Variants in DGKG observed in about 807,000 individuals in gnomAD.
DGKG encodes diacylglycerol kinase gamma.
A neutral mutation model predicts 105.3 loss-of-function variants in DGKG; 78 were observed. The ratio of observed to expected loss-of-function variants is 0.74; its 90% CI spans 0.62 to 0.89. The LOEUF (loss-of-function observed/expected upper bound fraction) is 0.89. DGKG is among the 40% of genes least tolerant of loss of function. The pLI is 0.00. For synonymous variants in DGKG, 346 were observed against 367.1 expected (o/e 0.94, Z 0.66); for missense variants, 958 against 1,020.1 (o/e 0.94, Z 0.83).
At chr3:186,342,810 G>C (rs1726147519) in intron 1 of DGKG, among the ~76,000 whole-genome samples, 1 of 152,100 alleles carries the variant, frequency 6.6e-6, no homozygotes, top group Non-Finnish European at 1.5e-5. Flanking sequence ...AATAGAGGCA[G>C]CCTGAAGTTT....
At chr3:186,199,871 T>C (rs28708630) in intron 21 of DGKG, among the ~76,000 whole-genome samples, 15,277 of 152,100 alleles carry the variant, frequency 0.1, 1,919 homozygotes, top group African/African-American at 0.3. Context: ...AAGGAAGGAA[T>C]GTCTTTCCAA....
rs115924340 is a variant in DGKG, at chr3:186,325,366, C to T, written c.-248-4659G>A. Among the ~76,000 whole-genome samples, 537 of 152,242 alleles carry T rather than the reference C, an allele frequency of 3.5e-3. 2 individuals carry two copies. Among genetic ancestry groups the T allele is most frequent in the African/African-American group, 0.012 (516 of 41,542 alleles). ...AACATCATGCAATATACTCAGGTAA[C>T]AAACTTGCCCCTGTACCCCCTGAAT... On this transcript the variant is annotated intron_variant, in intron 1 of 24. Coordinates refer to ENST00000265022, the MANE Select transcript of DGKG (RefSeq NM_001346.3).
Position 186,287,118 on chromosome 3 carries a change from G to C in DGKG, c.544+1592C>G, listed in dbSNP as rs146534156. 2.3e-3 allele frequency among the ~76,000 whole-genome samples: 354 copies of C among 152,080 alleles called. 1 individual carries two copies. Among genetic ancestry groups the C allele is most frequent in the African/African-American group, 8.1e-3 (337 of 41,498 alleles). The stretch of plus-strand genomic sequence containing the variant: ...CCAAAAGATTAAAAGAGAGTAAAGA[G>C]ACATAATAACCAGTGGTGATGTATG... On this transcript the variant is annotated intron_variant, in intron 6 of 24. Transcript: ENST00000265022.
intron 19 of DGKG, among the ~76,000 whole-genome samples, chr3:186,250,000 G>T (rs1165778349): frequency 6.6e-6 from 1 of 152,108 alleles, no homozygotes; most frequent in Non-Finnish European, 1.5e-5. Flanking sequence ...CAGAGTCTGG[G>T]GCAGAGGATT....
chr3:186,277,426 T>A (rs1722637763), intron 9 of DGKG, among the ~76,000 whole-genome samples: 1 of 152,228 alleles, frequency 6.6e-6, no homozygotes, highest in African/African-American at 2.4e-5. Context: ...AGGGACTGAA[T>A]GAGTAGTCAG....
At chr3:186,216,708 G>A (rs1000124343) in intron 20 of DGKG, among the ~76,000 whole-genome samples, 1 of 152,120 alleles carries the variant, frequency 6.6e-6, no homozygotes, top group African/African-American at 2.4e-5. Flanking sequence ...GCTGGGAGAT[G>A]CAGCCCCCAC....
intron 21 of DGKG, among the ~76,000 whole-genome samples, chr3:186,189,500 A>G (rs1717803899): frequency 6.6e-6 from 1 of 152,228 alleles, no homozygotes; most frequent in Non-Finnish European, 1.5e-5. Context: ...CAGCTAATAA[A>G]TAACAGAGCA....
intron 20 of DGKG, among the ~76,000 whole-genome samples, chr3:186,234,971 T>C (rs886530355): frequency 3.4e-5 from 5 of 148,394 alleles, no homozygotes; most frequent in African/African-American, 1.2e-4. Flanking sequence ...AAGAGTTAAC[T>C]ATAAACAATC....
intron 1 of DGKG, among the ~76,000 whole-genome samples, chr3:186,337,892 G>A (rs1725903326): frequency 6.6e-6 from 1 of 152,080 alleles, no homozygotes; most frequent in South Asian, 2.1e-4. Context: ...AGAATGGGCT[G>A]GGCACAGTGG....
chr3:186,281,327 A>G (rs1359061727), intron 7 of DGKG: 1 of 152,516 alleles, frequency 6.6e-6, no homozygotes, highest in African/African-American at 2.4e-5. Context: ...CATGAGGAAT[A>G]TGTTTACTTG....
At chr3:186,167,842 G>C (rs142935625) in intron 22 of DGKG, among the ~76,000 whole-genome samples, 2 of 152,324 alleles carry the variant, frequency 1.3e-5, no homozygotes, top group East Asian at 3.9e-4. Flanking sequence ...GCCAGACACT[G>C]TCTTGTAAGA....
intron 21 of DGKG, among the ~76,000 whole-genome samples, chr3:186,202,210 G>A (rs150488982): frequency 6.6e-6 from 1 of 152,224 alleles, no homozygotes; most frequent in Non-Finnish European, 1.5e-5. Context: ...CATTTGTTGA[G>A]CCTAATGGGC....
rs5855082 is a variant in DGKG at position 186,166,627 on chromosome 3, ATGTGTG to A, written c.2096-1615_2096-1610del. On this transcript the variant is annotated intron_variant, in intron 22 of 24. Transcript: ENST00000265022. ...TCTGTGAAAACAACATGGGCTATAAATGTGTGTGTGTGTGTGTGTGTGTGTAAGATA... is the reference window on the plus strand; with the variant it reads ...TCTGTGAAAACAACATGGGCTATAAATGTGTGTGTGTGTGTGTGTAAGATA... Among the ~76,000 whole-genome samples the A allele has an allele frequency of 8.9e-4, 134 of 149,906 alleles. 1 individual carries two copies. Among genetic ancestry groups the A allele is most frequent in the South Asian group, 8.3e-3 (39 of 4,682 alleles).
At chr3:186,200,663 C>T (rs573624983) in intron 21 of DGKG, among the ~76,000 whole-genome samples, 2 of 152,174 alleles carry the variant, frequency 1.3e-5, no homozygotes, top group African/African-American at 4.8e-5. Flanking sequence ...CCTGACCCCC[C>T]ACTTCCACCT....
Position 186,313,359 on chromosome 3 carries a change from G to A in DGKG, c.68-6382C>T, listed in dbSNP as rs1370144058. 1.7e-5 allele frequency: 4 copies of A among 242,132 alleles called. No individual in the cohort carries two copies. The Admixed American group carries it at 2.6e-4, about 16-fold the overall frequency. The allele number at this position is 242,132 out of a possible 1,614,324, so 15.0% of individuals were successfully genotyped here. On this transcript the variant is annotated intron_variant, in intron 2 of 24. Coordinates refer to ENST00000265022, the MANE Select transcript of DGKG (RefSeq NM_001346.3). ...TTTATATAGAAGCAGAGGAAATTGG[G>A]GTCAATAGCAATAAAACGTTTTTTA...
At position 186,171,259 on chromosome 3, in the gene DGKG, G is replaced by T. The variant is rs541903594; in HGVS notation, c.2096-6241C>A. ...CTAGACCAGCCTTTGGCATATAAAA[G>T]GTTCTTGATATATGTTTGTTGAATA... On this transcript the variant is annotated intron_variant, in intron 22 of 24. Transcript: ENST00000265022. 5.2e-4 allele frequency among the ~76,000 whole-genome samples: 79 copies of T among 152,238 alleles called. 1 individual carries two copies. Among genetic ancestry groups the T allele is most frequent in the African/African-American group, 9.1e-4 (38 of 41,546 alleles).
intron 24 of DGKG, among the ~76,000 whole-genome samples, chr3:186,152,587 C>A (rs1479833398): frequency 2.6e-5 from 4 of 152,184 alleles, no homozygotes; most frequent in Non-Finnish European, 4.4e-5. Flanking sequence ...GCCCTACGTG[C>A]TGGCAGTGGA....
At chr3:186,201,382 T>C (rs1269037915) in intron 21 of DGKG, among the ~76,000 whole-genome samples, 2 of 152,034 alleles carry the variant, frequency 1.3e-5, no homozygotes, top group Non-Finnish European at 2.9e-5. Context: ...TGGAGACCCT[T>C]TCTGCCCTGC....
intron 24 of DGKG, among the ~76,000 whole-genome samples, chr3:186,152,229 G>A (rs1023398622): frequency 5.9e-5 from 9 of 152,142 alleles, no homozygotes; most frequent in African/African-American, 1.9e-4. Context: ...AAAGGGGAGA[G>A]AGTCTCTGTT....
Sources: allele counts gnomAD v4.1 joint callset (sites outside exome capture counted in the v4.1 genomes callset), GRCh38; gene constraint gnomAD v4.1.1; transcripts MANE v1.5; gene names NCBI Gene and HGNC (gene_info 2026-07-23, HGNC 2026-07-21).